RCOR2: variants seen among roughly 807,000 people sequenced by gnomAD.
RCOR2 encodes the protein REST corepressor 2.
In RCOR2, 19 loss-of-function variants were observed where a neutral mutation model predicts 58.9. That is an observed-to-expected ratio of 0.32 (90% confidence interval 0.23 to 0.47). The LOEUF is 0.47. Among genes scored for constraint, RCOR2 ranks in the 20% least tolerant of loss-of-function variants. The probability of loss-of-function intolerance (pLI) is 1.00; values close to 1 mark genes in which losing one functional copy is unlikely to be tolerated. For synonymous variants in RCOR2, 286 were observed against 278.7 expected, an observed-to-expected ratio of 1.03 and a Z score of -0.26; for missense variants, 590 against 707.9, an observed-to-expected ratio of 0.83 and a Z score of 1.89.
the RCOR2 span, among the ~76,000 whole-genome samples, chr11:63,927,443 A>G: frequency 1.3e-5 from 2 of 151,560 alleles, no homozygotes; most frequent in Admixed American, 1.3e-4. Context: ...TTAACTTTTT[A>G]TTTTTTATAG....
rs1941750319 is a variant in RCOR2, at chr11:63,911,431, C to G, written c.*434G>C. On this transcript the variant is annotated 3_prime_UTR_variant, in exon 12 of 12. Transcript: ENST00000301459. ...TGTAAGGCCCCTCTGCCCACCTCCC[C>G]CCCTGCAGCCTCCCTCCCCACCTCA... The G allele has an allele frequency of 6.5e-6, 1 of 153,256 alleles. No homozygotes were observed. The highest frequency in any genetic ancestry group is 2.1e-4 in the South Asian group (1 of 4,858). The allele number at this position is 153,256 out of a possible 1,614,324, so 9.5% of individuals were successfully genotyped here. A position where few individuals can be genotyped will look rare whatever the true frequency, so the allele number is the denominator to read the frequency against.
At position 63,914,911 on chromosome 11, in the gene RCOR2, G is replaced by A. The variant is rs769076114; in HGVS notation, c.309C>T (p.Asn103=). 6 of 1,613,792 alleles carry A rather than the reference G, an allele frequency of 3.7e-6. No homozygotes were observed. Among genetic ancestry groups the A allele is most frequent in the Non-Finnish European group, 8.5e-7 (1 of 1,180,010 alleles). The part of the protein sequence containing the change: ...IAMAKEKHGY[N]IEQALGMLLW... ...GGGGGCCAAGGCTCACCTGCTCAAT[G>A]TTGTAGCCATGCTTCTCCTTGGCCA... Residue 103 remains asparagine (N), a synonymous_variant, in exon 4 of 12, where the codon AAC becomes AAT. Coordinates refer to ENST00000301459, the MANE Select transcript of RCOR2 (RefSeq NM_173587.4).
At chr11:63,923,578 T>C in the RCOR2 span, among the ~76,000 whole-genome samples, 1 of 152,164 alleles carries the variant, frequency 6.6e-6, no homozygotes. Flanking sequence ...TGGGCAGGAC[T>C]GGACAGACAG....
In RCOR2 at chr11:63,912,888, A is replaced by G. The variant is rs1476269511; in HGVS notation, c.951T>C (p.Asp317=). The G allele has an allele frequency of 6.2e-7, 1 of 1,613,632 alleles. No homozygotes were observed. The highest frequency in any genetic ancestry group is 1.7e-5 in the Admixed American group (1 of 59,962). ...GCCATACCTCCGGGGGGCGTAGTGG[A>G]TCAATACCGCCCTCCAGGGCTTGGC... is the stretch of plus-strand genomic sequence containing the variant. ...SLRQALEGGI[D]PLRPPEANTK... The change falls in exon 9 of 12, where the codon GAT becomes GAC. Residue 317 remains aspartate, a synonymous_variant. Transcript: ENST00000301459.
chr11:63,915,513 C>T (rs780830654), intron 2 of RCOR2, 42 bp downstream of exon 2: 1 of 1,541,270 alleles, frequency 6.5e-7, no homozygotes, highest in Non-Finnish European at 8.8e-7. Context: ...AAGCCCCGGG[C>T]CTCCACCCCC....
At position 63,916,672 on chromosome 11, in the gene RCOR2, G is replaced by C. The variant is rs1243936157; in HGVS notation, c.-216C>G. The C allele has an allele frequency of 2.6e-6, 2 of 771,188 alleles. No homozygotes were observed. Among genetic ancestry groups the C allele is most frequent in the Non-Finnish European group, 4.0e-6 (2 of 503,460 alleles). 47.8% of individuals were successfully genotyped at this position (771,188 alleles called of 1,614,324 possible). A position where few individuals can be genotyped will look rare whatever the true frequency, so the allele number is the denominator to read the frequency against. The stretch of plus-strand genomic sequence containing the variant: ...CCCCACGAGCCAGGGCGTCAGAAAA[G>C]TTTGTGCAGAAGTGGGGGACGCAAG... On this transcript the variant is annotated 5_prime_UTR_variant, in exon 1 of 12. Coordinates refer to ENST00000301459, the MANE Select transcript of RCOR2 (RefSeq NM_173587.4).
Position 63,912,200 on chromosome 11 carries a change from G to A in RCOR2, c.1258-21C>T, listed in dbSNP as rs1020398139. The A allele has an allele frequency of 7.6e-6, 12 of 1,583,100 alleles. No individual in the cohort carries two copies. In the Admixed American group the frequency reaches 1.5e-4, roughly 19 times the overall value. Reference sequence around the variant, plus strand: ...TGGACCTGAGGGGAGAGGAAAGAGTGAGAAGCCAGGCTCTTCCCGCCCTCA... The same window carrying A: ...TGGACCTGAGGGGAGAGGAAAGAGTAAGAAGCCAGGCTCTTCCCGCCCTCA... On this transcript the variant is annotated intron_variant, in intron 11 of 11. Coordinates refer to ENST00000301459, the MANE Select transcript of RCOR2 (RefSeq NM_173587.4).
the RCOR2 span, among the ~76,000 whole-genome samples, chr11:63,924,847 C>T: frequency 0.22 from 26,742 of 124,324 alleles, 4,013 homozygotes; most frequent in African/African-American, 0.44. Flanking sequence ...CCATGCCCAG[C>T]CAAGGTGATT....
At chr11:63,918,759 G>T (rs1941895594), upstream of RCOR2, among the ~76,000 whole-genome samples, 1 of 152,100 alleles carries the variant, frequency 6.6e-6, no homozygotes, top group African/African-American at 2.4e-5. Flanking sequence ...CTCCTACGGT[G>T]CTGTCTTCCA....
At position 63,914,556 on chromosome 11, in the gene RCOR2, G is replaced by A. The variant is rs771517694; in HGVS notation, c.481-15C>T. The A allele has an allele frequency of 1.1e-5, 17 of 1,613,238 alleles. No individual in the cohort carries two copies. Among genetic ancestry groups the A allele is most frequent in the East Asian group, 2.2e-5 (1 of 44,888 alleles). ...TTGTCAGGCAGCTGGAGGAGGCAAC[G>A]CCAGAAGCTGGGGACCACTCAAGAC... On this transcript the variant is annotated splice_polypyrimidine_tract_variant and intron_variant, in intron 5 of 11. Coordinates refer to ENST00000301459, the MANE Select transcript of RCOR2 (RefSeq NM_173587.4).
At chr11:63,921,742 G>A (rs1384610844), upstream of RCOR2, among the ~76,000 whole-genome samples, 1 of 152,166 alleles carries the variant, frequency 6.6e-6, no homozygotes, top group Non-Finnish European at 1.5e-5. Flanking sequence ...ACCCCCAGCA[G>A]GGCCCCCTCT....
chr11:63,911,924 G>GGCCAGGGCGGGCGCTGTGGCGGGGGGCA lies in RCOR2; in HGVS notation c.1485_1512dup (p.Pro505CysfsTer60). On this transcript the variant is annotated frameshift_variant, in exon 12 of 12. Coordinates refer to ENST00000301459, the MANE Select transcript of RCOR2 (RefSeq NM_173587.4). LOFTEE classifies it high-confidence loss of function. ...CCAATCAGGGTGGGTGGGGGCTGAG[G>GGCCAGGGCGGGCGCTGTGGCGGGGGGCA]GCCAGGGCGGGCGCTGTGGCGGGGG... is the stretch of plus-strand genomic sequence containing the variant. The GGCCAGGGCGGGCGCTGTGGCGGGGGGCA allele has an allele frequency of 7.7e-7, 1 of 1,300,008 alleles. No individual in the cohort carries two copies. The highest frequency in any genetic ancestry group is 1.0e-6 in the Non-Finnish European group (1 of 976,284). The allele number at this position is 1,300,008 out of a possible 1,614,324, so 80.5% of individuals were successfully genotyped here.
At chr11:63,912,816 T>A in intron 9 of RCOR2, 54 bp downstream of exon 9, 2 of 1,608,166 alleles carry the variant, frequency 1.2e-6, no homozygotes, top group Non-Finnish European at 1.7e-6. Flanking sequence ...CTCTTTCTGC[T>A]CTGCCTCCAG....
chr11:63,915,769 A>G (rs1249407266), intron 1 of RCOR2, among the ~76,000 whole-genome samples, 158 bp from the exon 2 acceptor site: 2 of 152,056 alleles, frequency 1.3e-5, no homozygotes, highest in Non-Finnish European at 2.9e-5. Flanking sequence ...TACCCCAGTT[A>G]CCTGCAGCCA....
Position 63,914,940 on chromosome 11 carries a change from C to A in RCOR2, c.280G>T (p.Ala94Ser). 2 of 1,613,950 alleles carry A rather than the reference C, an allele frequency of 1.2e-6. No homozygotes were observed. Among genetic ancestry groups the A allele is most frequent in the South Asian group, 2.2e-5 (2 of 91,078 alleles). ...VSDAKLDKYI[A>S]MAKEKHGYNI... ...TAGCCATGCTTCTCCTTGGCCATCG[C>A]AATGTACTTGTCAACTGCAGGGGCA... The change falls in exon 4 of 12, where the codon GCG becomes TCG. Residue 94 changes from alanine to serine, a missense_variant. By Grantham distance (99) the Ala-to-Ser change is moderately conservative. Transcript: ENST00000301459.
At chr11:63,912,616 C>T in intron 10 of RCOR2, 60 bp downstream of exon 10, 1 of 1,600,500 alleles carries the variant, frequency 6.2e-7, no homozygotes, top group Admixed American at 1.7e-5. Flanking sequence ...CCCCCCCACT[C>T]CTTGGAGGGT....
Position 63,913,967 on chromosome 11 carries a change from G to A in RCOR2, c.878C>T (p.Ser293Phe), listed in dbSNP as rs1489170253. The part of the protein sequence containing the change: ...TLRGLDSQLI[S>F]LKRQVQSMKQ... ...CCAGGGCCCCACCTGGCGCTTGAGG[G>A]AGATGAGCTGAGAGTCAAGACCTCG... Residue 293 changes from serine (S) to phenylalanine (F), a missense_variant, in exon 8 of 12, where the codon TCC becomes TTC. Transcript: ENST00000301459. 5 of 1,613,642 alleles carry A rather than the reference G, an allele frequency of 3.1e-6. No homozygotes were observed. The highest frequency in any genetic ancestry group is 1.7e-4 in the Middle Eastern group (1 of 6,018).
chr11:63,917,387 C>T (rs1036136920), upstream of RCOR2, among the ~76,000 whole-genome samples: 84 of 152,198 alleles, frequency 5.5e-4, no homozygotes, highest in Middle Eastern at 0.02. Flanking sequence ...AGACTTGCCC[C>T]TGGGGGAGAC....
rs770303901 is a variant in RCOR2, at chr11:63,914,668, C to T, written c.467G>A (p.Arg156Gln). ...GAAGGGCTTTACCATCTGCTGGATCCGCTGGAAGCATTTGCCATGGAAGCC... is the reference window on the plus strand; with the variant it reads ...GAAGGGCTTTACCATCTGCTGGATCTGCTGGAAGCATTTGCCATGGAAGCC... ...AFGFHGKCFQ[R>Q]IQQMLPDKLI... is the part of the protein sequence containing the mutation. The change falls in exon 5 of 12, where the codon CGG becomes CAG. Residue 156 changes from arginine to glutamine, a missense_variant. Around this residue, in one of 3 missense-constraint regions of RCOR2, gnomAD observed 390 missense variants for 478.7 expected, o/e 0.81. Transcript: ENST00000301459. 5.6e-6 allele frequency: 9 copies of T among 1,606,496 alleles called. No homozygotes were observed. Among genetic ancestry groups the T allele is most frequent in the Non-Finnish European group, 6.8e-6 (8 of 1,175,974 alleles).
Sources: allele counts gnomAD v4.1 joint callset (sites outside exome capture counted in the v4.1 genomes callset), GRCh38; gene constraint gnomAD v4.1.1; regional missense constraint gnomAD v4.1.1; transcripts MANE v1.5; gene names NCBI Gene and HGNC (gene_info 2026-07-23, HGNC 2026-07-21).